The following MYO1B variants were observed in gnomAD, a reference collection of about 807,000 sequenced individuals.
MYO1B encodes the protein unconventional myosin-Ib.
In MYO1B, 72 loss-of-function variants were observed where a neutral mutation model predicts 159.7. That is an observed-to-expected ratio of 0.45 (90% CI 0.37 to 0.55). MYO1B has a LOEUF of 0.55. Among genes scored for constraint, MYO1B ranks in the 20% least tolerant of loss-of-function variants. The pLI, the probability that MYO1B is intolerant of heterozygous loss-of-function variation, is 0.00. For synonymous variants in MYO1B, 468 were observed against 473.8 expected, an observed-to-expected ratio of 0.99 and a Z score of 0.16; for missense variants, 1,062 against 1,364.8, an observed-to-expected ratio of 0.78 and a Z score of 3.50.
rs6720924 is a variant in MYO1B, at chr2:191,368,432, C to T, written c.1033-1110C>T. 3.9e-3 allele frequency among the ~76,000 whole-genome samples: 595 copies of T among 152,308 alleles called. 3 individuals are homozygous for T. Among genetic ancestry groups the T allele is most frequent in the African/African-American group, 0.014 (571 of 41,562 alleles). ...GCCTCCCCAGGATGCTGGTATTAAA[C>T]ATCTCATTAGTACTTACTTACTGTA... is the stretch of plus-strand genomic sequence containing the variant. On this transcript the variant is annotated intron_variant, in intron 11 of 30. Coordinates refer to ENST00000392318, the MANE Select transcript of MYO1B (RefSeq NM_001130158.3).
chr2:191,344,539 T>C lies in MYO1B; in HGVS notation c.452-1697T>C, dbSNP rs1037926707. Among the ~76,000 whole-genome samples, 4 of 152,078 alleles carry C rather than the reference T, an allele frequency of 2.6e-5. No homozygotes were observed. In the South Asian group the frequency reaches 8.3e-4, roughly 32 times the overall value. On this transcript the variant is annotated intron_variant, in intron 5 of 30. Transcript: ENST00000392318. The stretch of plus-strand genomic sequence containing the variant: ...GCTTGGGCAACTATCTTTTTAAGAA[T>C]CAAAAACACAGCCGGGCGTGGTGGC...
In MYO1B at chr2:191,296,326, T is replaced by C. The variant is rs998236167; in HGVS notation, c.251+100T>C. On this transcript the variant is annotated intron_variant, in intron 3 of 30. Transcript: ENST00000392318. ...TCCTTTGAATTTCAGAATAATGTTTTTGTCAGTTTTTTTTAAAAAGTTTGA... is the reference window on the plus strand; with the variant it reads ...TCCTTTGAATTTCAGAATAATGTTTCTGTCAGTTTTTTTTAAAAAGTTTGA... The C allele has an allele frequency of 3.4e-5, 14 of 408,012 alleles. No individual in the cohort carries two copies. In the African/African-American group the frequency reaches 8.0e-4, roughly 23 times the overall value. 25.3% of individuals were successfully genotyped at this position (408,012 alleles called of 1,614,324 possible). A position where few individuals can be genotyped will look rare whatever the true frequency, so the allele number is the denominator to read the frequency against.
chr2:191,297,366 T>C (rs553830331), intron 3 of MYO1B, among the ~76,000 whole-genome samples: 1 of 152,330 alleles, frequency 6.6e-6, no homozygotes, highest in African/African-American at 2.4e-5. Flanking sequence ...TAACATCTTT[T>C]ATGCAATAAA....
chr2:191,343,551 A>G (rs1692365015), intron 5 of MYO1B, among the ~76,000 whole-genome samples: 2 of 152,238 alleles, frequency 1.3e-5, no homozygotes, highest in South Asian at 2.1e-4. Flanking sequence ...TAACGAAGCT[A>G]TTATGGAAAG....
At chr2:191,299,257 C>A (rs116603763) in intron 3 of MYO1B, among the ~76,000 whole-genome samples, 1 of 152,164 alleles carries the variant, frequency 6.6e-6, no homozygotes, top group African/African-American at 2.4e-5. Context: ...ACCACGAGCA[C>A]TAAAATAAAA....
chr2:191,328,689 C>A (rs780566591), intron 3 of MYO1B, among the ~76,000 whole-genome samples: 49 of 152,310 alleles, frequency 3.2e-4, no homozygotes, highest in Non-Finnish European at 2.5e-4. Flanking sequence ...TCTCTCTCCG[C>A]AGCTCATCTC....
intron 30 of MYO1B, chr2:191,416,527 A>C: frequency 3.1e-6 from 1 of 323,684 alleles, no homozygotes; most frequent in Non-Finnish European, 5.8e-6. Context: ...TAAGAGTCAG[A>C]GAGTAGGCCA....
chr2:191,381,716 A>G, intron 14 of MYO1B, 150 bp downstream of exon 14: 1 of 620,608 alleles, frequency 1.6e-6, no homozygotes, highest in East Asian at 2.8e-5. Context: ...GCAAAGCTAT[A>G]GAGACTGATT....
chr2:191,266,913 G>T (rs957440588), intron 1 of MYO1B, among the ~76,000 whole-genome samples: 2 of 152,076 alleles, frequency 1.3e-5, no homozygotes, highest in Non-Finnish European at 2.9e-5. Flanking sequence ...TTTCCCTCTC[G>T]TCAGTTTGCA....
intron 27 of MYO1B, among the ~76,000 whole-genome samples, 173 bp from the exon 28 acceptor site, chr2:191,413,875 G>T (rs1347287556): frequency 6.6e-6 from 1 of 152,064 alleles, no homozygotes; most frequent in Non-Finnish European, 1.5e-5. Flanking sequence ...TAGGTTTAAG[G>T]TTTCATTTCC....
intron 1 of MYO1B, among the ~76,000 whole-genome samples, chr2:191,252,736 A>C (rs776245280): frequency 1.8e-4 from 28 of 152,148 alleles, no homozygotes; most frequent in Non-Finnish European, 3.8e-4. Context: ...TTCTAGGGAG[A>C]TATCCGTCTC....
intron 21 of MYO1B, among the ~76,000 whole-genome samples, chr2:191,400,087 G>A (rs999803151): frequency 6.6e-6 from 1 of 152,154 alleles, no homozygotes; most frequent in Non-Finnish European, 1.5e-5. Flanking sequence ...TCTGAGAACT[G>A]TTTCATCCCA....
At chr2:191,299,301 A>G (rs1689163994) in intron 3 of MYO1B, among the ~76,000 whole-genome samples, 1 of 152,212 alleles carries the variant, frequency 6.6e-6, no homozygotes, top group Admixed American at 6.5e-5. Context: ...AAAGAAAATG[A>G]CTTTTTACCA....
At chr2:191,345,564 A>G (rs1322914841) in intron 5 of MYO1B, among the ~76,000 whole-genome samples, 3 of 152,216 alleles carry the variant, frequency 2.0e-5, no homozygotes, top group Admixed American at 1.3e-4. Flanking sequence ...TCTCCAGGAA[A>G]CAGCTAAGAT....
intron 3 of MYO1B, among the ~76,000 whole-genome samples, chr2:191,322,906 C>T (rs1690819579): frequency 6.6e-6 from 1 of 152,106 alleles, no homozygotes; most frequent in Admixed American, 6.5e-5. Flanking sequence ...AAAAGAATGG[C>T]TACTCTATAG....
chr2:191,307,160 T>C (rs943657378), intron 3 of MYO1B, among the ~76,000 whole-genome samples: 1 of 152,132 alleles, frequency 6.6e-6, no homozygotes, highest in Non-Finnish European at 1.5e-5. Flanking sequence ...GATTATATGC[T>C]AAACAAGGTG....
At chr2:191,330,091 G>A in intron 4 of MYO1B, 62 bp downstream of exon 4, 3 of 1,462,720 alleles carry the variant, frequency 2.1e-6, no homozygotes, top group Non-Finnish European at 2.8e-6. Flanking sequence ...CAACAGCAAA[G>A]AGGACCAGTA....
intron 17 of MYO1B, among the ~76,000 whole-genome samples, chr2:191,388,779 C>A (rs1398600262): frequency 6.6e-6 from 1 of 151,862 alleles, no homozygotes; most frequent in African/African-American, 2.4e-5. Flanking sequence ...CTGAAGTGAA[C>A]AGTTCAATTT....
chr2:191,264,273 T>G (rs1574290262), intron 1 of MYO1B, among the ~76,000 whole-genome samples: 1 of 152,228 alleles, frequency 6.6e-6, no homozygotes, highest in East Asian at 1.9e-4. Flanking sequence ...GAAATCCTAA[T>G]GTAAATGTAT....
Sources: gnomAD v4.1 joint callset for allele counts (sites outside exome capture counted in the v4.1 genomes callset) on GRCh38, gnomAD v4.1.1 for gene constraint, MANE v1.5 for transcripts, NCBI Gene and HGNC (gene_info 2026-07-23, HGNC 2026-07-21) for gene names.